The following ARSB variants were observed in gnomAD, a reference collection of about 807,000 sequenced individuals.
The protein encoded by ARSB is N-acetylgalactosamine-4-sulfatase.
In ARSB, 41 loss-of-function variants were observed where a neutral mutation model predicts 50.9. That is an observed-to-expected ratio of 0.81 (90% confidence interval 0.63 to 1.04). The LOEUF is 1.04. ARSB is among the 50% of genes least tolerant of loss of function. The pLI is 0.00. For missense variants in ARSB, 672 were observed against 693.3 expected, an observed-to-expected ratio of 0.97 and a Z score of 0.35; for synonymous variants, 269 against 284.8, an observed-to-expected ratio of 0.94 and a Z score of 0.56.
intron 1 of ARSB, among the ~76,000 whole-genome samples, chr5:78,972,371 C>T (rs12153089): frequency 0.27 from 40,910 of 152,016 alleles, 5,689 homozygotes; most frequent in Middle Eastern, 0.35. Context: ...CACATTCACA[C>T]CTTTTAAAAT....
intron 4 of ARSB, among the ~76,000 whole-genome samples, chr5:78,939,763 G>A (rs954735603): frequency 5.3e-5 from 8 of 152,132 alleles, no homozygotes; most frequent in East Asian, 1.9e-4. Flanking sequence ...TGTCTTTATA[G>A]CAGCATGATT....
intron 5 of ARSB, among the ~76,000 whole-genome samples, chr5:78,864,963 T>C (rs1262856199): frequency 6.6e-6 from 1 of 152,218 alleles, no homozygotes; most frequent in Non-Finnish European, 1.5e-5. Context: ...TCTGCCCCTG[T>C]GGCTTTGCAG....
chr5:78,938,656 T>C (rs1750747103), intron 4 of ARSB, among the ~76,000 whole-genome samples: 1 of 152,222 alleles, frequency 6.6e-6, no homozygotes, highest in Non-Finnish European at 1.5e-5. Context: ...ATTGCATAAG[T>C]ATATTTAAAA....
chr5:78,797,926 C>T (rs531363187), intron 6 of ARSB, among the ~76,000 whole-genome samples: 86 of 152,180 alleles, frequency 5.7e-4, no homozygotes, highest in African/African-American at 1.8e-3. Context: ...GAAGGGGCCT[C>T]TAAAAGGCTG....
intron 3 of ARSB, among the ~76,000 whole-genome samples, chr5:78,959,949 C>T (rs956032288): frequency 6.6e-6 from 1 of 152,196 alleles, no homozygotes; most frequent in Non-Finnish European, 1.5e-5. Context: ...TTTTCCCACT[C>T]CTGCCAACCA....
chr5:78,881,940 T>C (rs113500260), intron 5 of ARSB, among the ~76,000 whole-genome samples: 4 of 152,262 alleles, frequency 2.6e-5, no homozygotes, highest in African/African-American at 9.6e-5. Context: ...TTCATTTTTA[T>C]GTATAGGTTT....
At chr5:78,832,925 G>A (rs1252964704) in intron 6 of ARSB, among the ~76,000 whole-genome samples, 7 of 152,056 alleles carry the variant, frequency 4.6e-5, no homozygotes, top group South Asian at 2.1e-4. Context: ...TTACATGATC[G>A]GATATGTGTG....
rs1329525621 is a variant in ARSB, at chr5:78,969,201, G to A, written c.313-9C>T. The A allele has an allele frequency of 6.2e-7, 1 of 1,613,734 alleles. No homozygotes were observed. The highest frequency in any genetic ancestry group is 1.7e-5 in the Admixed American group (1 of 60,008). Reference sequence around the variant, plus strand: ...TGTAAACCTGTACGGATCTTACAGAGATAAACATAAAATTATAGATTAATG... The same window carrying A: ...TGTAAACCTGTACGGATCTTACAGAAATAAACATAAAATTATAGATTAATG... On this transcript the variant is annotated splice_polypyrimidine_tract_variant and intron_variant, in intron 1 of 7. Transcript: ENST00000264914.
chr5:78,796,052 G>A (rs1743168416), intron 6 of ARSB, among the ~76,000 whole-genome samples: 1 of 152,212 alleles, frequency 6.6e-6, no homozygotes, highest in South Asian at 2.1e-4. Flanking sequence ...TGTTGATTGA[G>A]CAGTGTAAAC....
At chr5:78,926,852 G>A (rs148843939) in intron 4 of ARSB, among the ~76,000 whole-genome samples, 6 of 152,284 alleles carry the variant, frequency 3.9e-5, no homozygotes, top group African/African-American at 1.4e-4. Context: ...TCTTCTAGTG[G>A]CCAGATCATG....
At chr5:78,815,989 G>A (rs1743971430) in intron 6 of ARSB, 2 of 1,556,044 alleles carry the variant, frequency 1.3e-6, no homozygotes, top group South Asian at 1.1e-5. Flanking sequence ...ACTTCTGCAG[G>A]AGCCACCCGA....
At chr5:78,920,115 T>TA (rs2112347678) in intron 4 of ARSB, among the ~76,000 whole-genome samples, 1 of 152,306 alleles carries the variant, frequency 6.6e-6, no homozygotes, top group Non-Finnish European at 1.5e-5. Flanking sequence ...AGCCACCTGT[T>TA]ACAAATGAAT....
chr5:78,826,545 G>A (rs1744440280), intron 6 of ARSB, among the ~76,000 whole-genome samples: 1 of 152,098 alleles, frequency 6.6e-6, no homozygotes, highest in Non-Finnish European at 1.5e-5. Context: ...CAGGTACTGG[G>A]GGCAGGGGGT....
chr5:78,943,763 T>G (rs2112445487), intron 4 of ARSB, among the ~76,000 whole-genome samples: 1 of 152,326 alleles, frequency 6.6e-6, no homozygotes, highest in Non-Finnish European at 1.5e-5. Context: ...GTCTTGGAGT[T>G]GCTCTTCTCA....
At chr5:78,844,141 A>G (rs1160346100) in intron 5 of ARSB, among the ~76,000 whole-genome samples, 1 of 152,170 alleles carries the variant, frequency 6.6e-6, no homozygotes, top group Non-Finnish European at 1.5e-5. Flanking sequence ...TTTCCAAAGC[A>G]GCTACGCCAT....
chr5:78,921,806 C>T (rs1749823825), intron 4 of ARSB, among the ~76,000 whole-genome samples: 1 of 152,136 alleles, frequency 6.6e-6, no homozygotes, highest in African/African-American at 2.4e-5. Context: ...CTAAAAGAGG[C>T]ATTGAAGAGG....
chr5:78,818,120 C>T (rs933961480), intron 6 of ARSB, among the ~76,000 whole-genome samples: 1 of 152,194 alleles, frequency 6.6e-6, no homozygotes, highest in Admixed American at 6.5e-5. Context: ...TGCACTCCAG[C>T]CTGGGTGACA....
intron 5 of ARSB, among the ~76,000 whole-genome samples, chr5:78,867,520 GAGCAGCCTAACTGGGAGGCACCCCCC>G (rs1561470684): frequency 1.3e-5 from 2 of 152,284 alleles, no homozygotes; most frequent in Non-Finnish European, 2.9e-5. Context: ...CCTGACCCCC[GAGCAGCCTAACTGGGAGGCACCCCCC>G]AGCAGGGGCA....
intron 4 of ARSB, among the ~76,000 whole-genome samples, chr5:78,930,230 C>A (rs1750260337): frequency 6.6e-6 from 1 of 152,178 alleles, no homozygotes; most frequent in Non-Finnish European, 1.5e-5. Context: ...TTGTTCCCCA[C>A]CTCTATTTCT....
Sources: gnomAD v4.1 joint callset for allele counts (sites outside exome capture counted in the v4.1 genomes callset) on GRCh38, gnomAD v4.1.1 for gene constraint, MANE v1.5 for transcripts, NCBI Gene and HGNC (gene_info 2026-07-23, HGNC 2026-07-21) for gene names.